The following TIAM2 variants were observed in gnomAD, a reference collection of about 807,000 sequenced individuals.
The protein encoded by TIAM2 is TIAM Rac1 associated GEF 2.
Under a neutral mutation model 152.9 loss-of-function variants are expected in TIAM2, and 80 were observed. The ratio of observed to expected loss-of-function variants is 0.52; its 90% confidence interval spans 0.44 to 0.63. TIAM2 has a LOEUF of 0.63. Among genes scored for constraint, TIAM2 ranks in the 30% least tolerant of loss-of-function variants. The probability of loss-of-function intolerance (pLI) is 0.00; values close to 1 mark genes in which losing one functional copy is unlikely to be tolerated. For missense variants in TIAM2, 1,965 were observed against 2,120.1 expected, an observed-to-expected ratio of 0.93 and a Z score of 1.44; for synonymous variants, 804 against 838.0, an observed-to-expected ratio of 0.96 and a Z score of 0.70.
In TIAM2 at chr6:155,048,488, A is replaced by AAGG. The variant is rs772736248; in HGVS notation, c.-208-41800_-208-41799insGGA. ...AACATACACAGAGAAGAAAACAGCA[A>AAGG]ACGAGTAAACAAGGCTGCAAGGACA... On this transcript the variant is annotated intron_variant, in intron 1 of 26. Transcript: ENST00000682666. 7.9e-5 allele frequency among the ~76,000 whole-genome samples: 12 copies of AAGG among 152,300 alleles called. No individual in the cohort carries two copies. The East Asian group carries it at 1.4e-3, about 17-fold the overall frequency.
intron 21 of TIAM2, among the ~76,000 whole-genome samples, chr6:155,250,209 G>T (rs1783565760): frequency 6.6e-6 from 1 of 152,072 alleles, no homozygotes; most frequent in East Asian, 1.9e-4. Context: ...TCCATGGAGG[G>T]TGAGAGCTGG....
chr6:155,082,609 C>T (rs1778088434), intron 1 of TIAM2, among the ~76,000 whole-genome samples: 1 of 151,456 alleles, frequency 6.6e-6, no homozygotes, highest in Admixed American at 6.6e-5. Flanking sequence ...AAGATTGTAC[C>T]ATTGCACTCC....
intron 1 of TIAM2, among the ~76,000 whole-genome samples, chr6:155,059,329 C>T (rs6557398): frequency 0.69 from 103,250 of 149,114 alleles, 36,384 homozygotes; most frequent in African/African-American, 0.75. Context: ...TGTGTGTGCG[C>T]GTGTATGTTT....
At chr6:155,025,472 C>T (rs527459087) in intron 1 of TIAM2, among the ~76,000 whole-genome samples, 2 of 152,112 alleles carry the variant, frequency 1.3e-5, no homozygotes, top group African/African-American at 2.4e-5. Context: ...TGAGCCACCG[C>T]GCCCGGCCTA....
intron 14 of TIAM2, among the ~76,000 whole-genome samples, chr6:155,187,573 C>CCCTTTTT (rs1189509294): frequency 8.7e-4 from 43 of 49,624 alleles, no homozygotes; most frequent in Non-Finnish European, 8.9e-4. Context: ...ACCCCGCCCC[C>CCCTTTTT]TTTTTTTTTT....
At chr6:155,240,508 TC>T in intron 15 of TIAM2, 21 bp from the exon 16 acceptor site, 2 of 1,587,816 alleles carry the variant, frequency 1.3e-6, no homozygotes, top group South Asian at 1.1e-5. Context: ...TGCATTATTT[TC>T]CACCTCTTGT....
Position 155,240,648 on chromosome 6 carries a change from A to G in TIAM2, c.3287A>G (p.Asp1096Gly). The G allele has an allele frequency of 6.2e-7, 1 of 1,614,046 alleles. No homozygotes were observed. The highest frequency in any genetic ancestry group is 8.5e-7 in the Non-Finnish European group (1 of 1,180,046). ...PPRSLARHLS[D>G]ADRLRKVIQE... ...AGGTCTCTGGCCCGCCACCTGTCTGATGCAGACCGCCTCCGCAAAGTCATC... is the reference window on the plus strand; with the variant it reads ...AGGTCTCTGGCCCGCCACCTGTCTGGTGCAGACCGCCTCCGCAAAGTCATC... Residue 1096 changes from aspartate to glycine, a missense_variant, in exon 16 of 27, where the codon GAT (aspartate) becomes GGT (glycine). By Grantham distance (94) the Asp-to-Gly change is moderately conservative. Transcript: ENST00000682666.
intron 1 of TIAM2, among the ~76,000 whole-genome samples, chr6:155,028,801 ATATAC>A (rs1226399814): frequency 2.9e-5 from 4 of 135,818 alleles, no homozygotes; most frequent in African/African-American, 1.1e-4. Flanking sequence ...ATACTGTGTT[ATATAC>A]TATATATAAT....
At chr6:155,229,778 C>T (rs984815369) in intron 15 of TIAM2, among the ~76,000 whole-genome samples, 2 of 152,166 alleles carry the variant, frequency 1.3e-5, no homozygotes, top group African/African-American at 4.8e-5. Context: ...GTTTAATGGA[C>T]TCACAGTTCC....
intron 7 of TIAM2, among the ~76,000 whole-genome samples, chr6:155,151,678 G>C (rs1779972780): frequency 6.6e-6 from 1 of 152,134 alleles, no homozygotes; most frequent in Admixed American, 6.5e-5. Context: ...CAGCAGCTTG[G>C]AGGACAGAGT....
rs144004593 is a variant in TIAM2, at chr6:155,137,323, T to C, written c.1341T>C (p.His447=). ...TGTCTCAGAGAAGTGAATCCACACATGCGATTGGCAGCGATCCCCTCCGGC... is the reference window on the plus strand; with the variant it reads ...TGTCTCAGAGAAGTGAATCCACACACGCGATTGGCAGCGATCCCCTCCGGC... The part of the protein sequence containing the change: ...QILSQRSEST[H]AIGSDPLRQN... The change falls in exon 5 of 27, where the codon CAT becomes CAC. Residue 447 remains histidine, a synonymous_variant. Coordinates refer to ENST00000682666, the MANE Select transcript of TIAM2 (RefSeq NM_012454.4). The C allele has an allele frequency of 4.3e-4, 694 of 1,614,234 alleles. No homozygotes were observed. The highest frequency in any genetic ancestry group is 5.3e-4 in the Non-Finnish European group (623 of 1,180,042).
chr6:155,048,645 G>GA (rs1486588801), intron 1 of TIAM2, among the ~76,000 whole-genome samples: 16 of 152,290 alleles, frequency 1.1e-4, no homozygotes, highest in African/African-American at 3.8e-4. Context: ...AAGGTGGAGT[G>GA]AAGGAGACTC....
At chr6:155,254,676 C>T (rs1472351610) in intron 26 of TIAM2, 103 bp downstream of exon 26, 6 of 1,420,270 alleles carry the variant, frequency 4.2e-6, no homozygotes, top group Non-Finnish European at 5.8e-6. Context: ...CTTTGTAAGT[C>T]ATCGAGGTAC....
intron 1 of TIAM2, among the ~76,000 whole-genome samples, chr6:155,089,248 C>T (rs775708470): frequency 1.3e-5 from 2 of 151,906 alleles, no homozygotes; most frequent in Non-Finnish European, 2.9e-5. Flanking sequence ...GGGATGGAGT[C>T]TCTCTGTCAC....
chr6:155,173,255 G>GA (rs1205884745), intron 9 of TIAM2, among the ~76,000 whole-genome samples: 2 of 151,392 alleles, frequency 1.3e-5, no homozygotes, highest in African/African-American at 4.9e-5. Flanking sequence ...ACTTTTCATT[G>GA]AGGGACTCTC....
chr6:155,226,778 T>C (rs1202950949), intron 15 of TIAM2, among the ~76,000 whole-genome samples: 2 of 152,222 alleles, frequency 1.3e-5, no homozygotes, highest in East Asian at 1.9e-4. Flanking sequence ...GGTGGTGACA[T>C]AGTCCCTTTC....
At chr6:155,149,229 G>C (rs576495079) in intron 7 of TIAM2, 39 of 167,240 alleles carry the variant, frequency 2.3e-4, no homozygotes, top group African/African-American at 7.7e-4. Context: ...CAATAGAGGT[G>C]AGTTACCACG....
intron 1 of TIAM2, among the ~76,000 whole-genome samples, chr6:155,015,659 G>A (rs1229818286): frequency 1.3e-5 from 2 of 152,002 alleles, no homozygotes; most frequent in East Asian, 3.9e-4. Context: ...ACTTTAGGCC[G>A]GGCGCGGTGG....
chr6:155,242,986 A>C (rs979220293), intron 16 of TIAM2, among the ~76,000 whole-genome samples: 5 of 149,664 alleles, frequency 3.3e-5, no homozygotes, highest in Non-Finnish European at 7.4e-5. Flanking sequence ...CAGGTGATCC[A>C]CCCGCCTCTG....
Sources: gnomAD v4.1 joint callset for allele counts (sites outside exome capture counted in the v4.1 genomes callset) on GRCh38, gnomAD v4.1.1 for gene constraint, MANE v1.5 for transcripts, NCBI Gene and HGNC (gene_info 2026-07-23, HGNC 2026-07-21) for gene names.